Variants in DNAJA1 observed in about 807,000 individuals in gnomAD.
The protein encoded by DNAJA1 is DnaJ heat shock protein family (Hsp40) member A1, also known as dnaJ homolog subfamily A member 1.
A neutral mutation model predicts 47.6 loss-of-function variants in DNAJA1; 26 were observed. The ratio of observed to expected loss-of-function variants is 0.55; its 90% CI spans 0.40 to 0.76. DNAJA1 has a LOEUF of 0.76. Ranked by LOEUF, DNAJA1 falls within the 30% of genes least tolerant of loss-of-function variation. The pLI, the probability that DNAJA1 is intolerant of heterozygous loss-of-function variation, is 0.00. For synonymous variants in DNAJA1, 165 were observed against 158.4 expected (o/e 1.04, Z -0.31); for missense variants, 315 against 485.0 (o/e 0.65, Z 3.29).
chr9:33,035,237 A>C (rs943746289), intron 6 of DNAJA1, among the ~76,000 whole-genome samples: 2 of 152,038 alleles, frequency 1.3e-5, no homozygotes, highest in African/African-American at 4.8e-5. Flanking sequence ...AAATTAAAAA[A>C]TTAGCCAGGC....
chr9:33,037,401 C>T (rs566524582), intron 8 of DNAJA1: 57 of 240,392 alleles, frequency 2.4e-4, no homozygotes, highest in African/African-American at 1.2e-3. Flanking sequence ...ATGGATCTGG[C>T]CACGTGCCAC....
chr9:33,032,757 C>A (rs545661287), intron 5 of DNAJA1, among the ~76,000 whole-genome samples: 1 of 152,026 alleles, frequency 6.6e-6, no homozygotes, highest in African/African-American at 2.4e-5. Flanking sequence ...ATACTGATAG[C>A]GCTTTAAGTC....
chr9:33,031,380 A>G (rs1262993583), intron 5 of DNAJA1, among the ~76,000 whole-genome samples: 1 of 151,944 alleles, frequency 6.6e-6, no homozygotes, highest in Non-Finnish European at 1.5e-5. Context: ...TACAGGCATG[A>G]GCTACCGCAC....
chr9:33,037,921 T>G (rs1002193578), intron 8 of DNAJA1, among the ~76,000 whole-genome samples: 1 of 152,172 alleles, frequency 6.6e-6, no homozygotes, highest in Admixed American at 6.5e-5. Flanking sequence ...ATGCTTGATT[T>G]GTTAATAGGT....
intron 1 of DNAJA1, among the ~76,000 whole-genome samples, chr9:33,025,683 C>T (rs958302331): frequency 1.4e-5 from 2 of 141,204 alleles, no homozygotes; most frequent in Admixed American, 7.0e-5. Flanking sequence ...CCTCCCCGTC[C>T]GTGCTCGCTC....
chr9:33,028,677 A>G (rs578119943), intron 3 of DNAJA1, among the ~76,000 whole-genome samples: 3 of 152,362 alleles, frequency 2.0e-5, no homozygotes, highest in Admixed American at 6.5e-5. Context: ...CCTGCAGGTT[A>G]ACATTGGCAA....
At position 33,026,458 on chromosome 9, in the gene DNAJA1, G is replaced by A. The variant is rs746494306; in HGVS notation, c.-10-17G>A. ...TACCAGTTGAAAGCCGGTTAAAGTT[G>A]CATTTTCTTATTTCAGGCAGTAGAA... On this transcript the variant is annotated splice_polypyrimidine_tract_variant and intron_variant, in intron 1 of 8. Transcript: ENST00000330899. The A allele has an allele frequency of 6.9e-6, 11 of 1,594,334 alleles. No homozygotes were observed. Among genetic ancestry groups the A allele is most frequent in the Middle Eastern group, 1.7e-4 (1 of 6,036 alleles).
In DNAJA1 at chr9:33,039,128, A is replaced by G. The variant is rs577470498; in HGVS notation, c.*225A>G. ...AAGATGAAGTTTAATACCTGTAAAA[A>G]CTACAAAGAAGTTCCCCTAGCATTT... On this transcript the variant is annotated 3_prime_UTR_variant, in exon 9 of 9. Transcript: ENST00000330899. The G allele has an allele frequency of 3.8e-6, 2 of 522,566 alleles. No individual in the cohort carries two copies. Among genetic ancestry groups the G allele is most frequent in the African/African-American group, 3.8e-5 (2 of 52,346 alleles). The allele number at this position is 522,566 out of a possible 1,614,324, so 32.4% of individuals were successfully genotyped here.
intron 2 of DNAJA1, 86 bp from the exon 3 acceptor site, chr9:33,026,727 G>C: frequency 6.4e-7 from 1 of 1,569,600 alleles, no homozygotes; most frequent in Non-Finnish European, 8.6e-7. Flanking sequence ...ATCACTTCTC[G>C]GCCTTTTTAG....
At position 33,030,011 on chromosome 9, in the gene DNAJA1, T is replaced by C. The variant is rs199981412; in HGVS notation, c.415+22T>C. ...GAAGGTACGGTGTTTTTTTGTTTTGTTTTGTTTTGTTTTTAAGCACCTTTA... is the reference window on the plus strand; with the variant it reads ...GAAGGTACGGTGTTTTTTTGTTTTGCTTTGTTTTGTTTTTAAGCACCTTTA... On this transcript the variant is annotated intron_variant, in intron 4 of 8. Transcript: ENST00000330899. 6.2e-6 allele frequency: 10 copies of C among 1,601,064 alleles called. No homozygotes were observed. The Admixed American group carries it at 6.9e-5, about 11-fold the overall frequency.
intron 3 of DNAJA1, among the ~76,000 whole-genome samples, chr9:33,029,186 C>T (rs1838921955): frequency 6.6e-6 from 1 of 152,214 alleles, no homozygotes; most frequent in South Asian, 2.1e-4. Flanking sequence ...TAAATGGCCA[C>T]ATTTACATGC....
Position 33,039,534 on chromosome 9 carries a change from T to A in DNAJA1, c.*631T>A, listed in dbSNP as rs906938513. 7.1e-6 allele frequency: 1 copy of A among 140,986 alleles called. No homozygotes were observed. The highest frequency in any genetic ancestry group is 2.6e-5 in the African/African-American group (1 of 39,140). 8.7% of individuals were successfully genotyped at this position (140,986 alleles called of 1,614,324 possible). ...AATTGTGTTTCCTTCTGCTGTGCCATTCATATATATATACATATATATATA... is the reference window on the plus strand; with the variant it reads ...AATTGTGTTTCCTTCTGCTGTGCCAATCATATATATATACATATATATATA... On this transcript the variant is annotated 3_prime_UTR_variant, in exon 9 of 9. Coordinates refer to ENST00000330899, the MANE Select transcript of DNAJA1 (RefSeq NM_001539.4).
chr9:33,036,998 G>C lies in DNAJA1; in HGVS notation c.875-17G>C. ...TGTGACCATACTTAAGGAAGAACTT[G>C]GCTTCAATGTTTTTAGGTCAGATTG... On this transcript the variant is annotated splice_polypyrimidine_tract_variant and intron_variant, in intron 7 of 8. Coordinates refer to ENST00000330899, the MANE Select transcript of DNAJA1 (RefSeq NM_001539.4). The C allele has an allele frequency of 6.3e-7, 1 of 1,599,516 alleles. No individual in the cohort carries two copies. Among genetic ancestry groups the C allele is most frequent in the Non-Finnish European group, 8.5e-7 (1 of 1,172,172 alleles).
rs141054448 is a variant in DNAJA1 at position 33,030,815 on chromosome 9, TC to T, written c.643+149del. On this transcript the variant is annotated intron_variant, in intron 5 of 8. Transcript: ENST00000330899. ...CTCTTAGCAGCTTAGTAAATAATGT[TC>T]TTTTATCCAGACATAATTTTGCACA... 2.0e-3 allele frequency: 1,486 copies of T among 732,676 alleles called. 35 individuals carry two copies. In the East Asian group the frequency reaches 0.038, roughly 19 times the overall value. The allele number at this position is 732,676 out of a possible 1,614,324, so 45.4% of individuals were successfully genotyped here. A position where few individuals can be genotyped will look rare whatever the true frequency, so the allele number is the denominator to read the frequency against.
At chr9:33,037,212 C>T in intron 8 of DNAJA1, 97 bp downstream of exon 8, 2 of 955,798 alleles carry the variant, frequency 2.1e-6, no homozygotes, top group South Asian at 1.7e-5. Flanking sequence ...TAGCTCATGC[C>T]TGTAATCCCC....
rs1564012887 is a variant in DNAJA1 at position 33,030,606 on chromosome 9, A to G, written c.582A>G (p.Lys194=). The G allele has an allele frequency of 6.2e-7, 1 of 1,614,148 alleles. No homozygotes were observed. ...GGATCAGTCCTAAAGATAGATGTAAAAGCTGCAACGGAAGGAAGATAGTTC... is the reference window on the plus strand; with the variant it reads ...GGATCAGTCCTAAAGATAGATGTAAGAGCTGCAACGGAAGGAAGATAGTTC... ...GERISPKDRC[K]SCNGRKIVRE... The change falls in exon 5 of 9, where the codon AAA becomes AAG. Residue 194 remains lysine (K), a synonymous_variant. Coordinates refer to ENST00000330899, the MANE Select transcript of DNAJA1 (RefSeq NM_001539.4).
rs1839079125 is a variant in DNAJA1, at chr9:33,039,059, A to G, written c.*156A>G. 5.4e-6 allele frequency: 4 copies of G among 738,044 alleles called. No individual in the cohort carries two copies. In the East Asian group the frequency reaches 1.1e-4, roughly 20 times the overall value. The allele number at this position is 738,044 out of a possible 1,614,324, so 45.7% of individuals were successfully genotyped here. ...TTAAATGAAGAATAAACGCAAATATAAAAGCTCTGATTTTGCCCTGTATGT... is the reference window on the plus strand; with the variant it reads ...TTAAATGAAGAATAAACGCAAATATGAAAGCTCTGATTTTGCCCTGTATGT... On this transcript the variant is annotated 3_prime_UTR_variant, in exon 9 of 9. Coordinates refer to ENST00000330899, the MANE Select transcript of DNAJA1 (RefSeq NM_001539.4).
intron 5 of DNAJA1, among the ~76,000 whole-genome samples, chr9:33,031,782 T>C (rs770460109): frequency 6.6e-5 from 10 of 152,194 alleles, no homozygotes; most frequent in Non-Finnish European, 1.2e-4. Context: ...TACTTGCCCA[T>C]CTATTATATT....
chr9:33,035,940 C>T (rs1349817187), intron 6 of DNAJA1, among the ~76,000 whole-genome samples: 1 of 152,132 alleles, frequency 6.6e-6, no homozygotes, highest in Non-Finnish European at 1.5e-5. Flanking sequence ...TTGGACATAT[C>T]CTCATTGTTT....
Sources: allele counts gnomAD v4.1 joint callset (sites outside exome capture counted in the v4.1 genomes callset), GRCh38; gene constraint gnomAD v4.1.1; transcripts MANE v1.5; gene names NCBI Gene and HGNC (gene_info 2026-07-23, HGNC 2026-07-21).